Variants in TBC1D1 observed in about 807,000 individuals in gnomAD.
The protein encoded by TBC1D1 is TBC1 domain family member 1, also known as TBC1 (tre-2/USP6, BUB2, cdc16) domain family, member 1.
In TBC1D1, 89 loss-of-function variants were observed where a neutral mutation model predicts 125.6. The observed-to-expected ratio is 0.71, with a 90% CI of 0.60 to 0.85. The LOEUF (loss-of-function observed/expected upper bound fraction) is 0.85, where lower values mean the gene tolerates loss of function less well. Among genes scored for constraint, TBC1D1 ranks in the 40% least tolerant of loss-of-function variants. The pLI is 0.00. For synonymous variants in TBC1D1, 565 were observed against 564.1 expected (o/e 1.00, Z -0.02); for missense variants, 1,377 against 1,469.2 (o/e 0.94, Z 1.03).
intron 2 of TBC1D1, among the ~76,000 whole-genome samples, chr4:37,904,797 AT>A (rs1467388731): frequency 2.0e-5 from 3 of 152,228 alleles, no homozygotes; most frequent in Admixed American, 6.5e-5. Flanking sequence ...TCAATCAGTG[AT>A]TTTGTTGTTG....
intron 13 of TBC1D1, among the ~76,000 whole-genome samples, chr4:38,094,157 C>T (rs966187758): frequency 1.3e-5 from 2 of 151,934 alleles, no homozygotes; most frequent in Non-Finnish European, 2.9e-5. Context: ...ATTAGCTTTC[C>T]ATTCTGAGCT....
chr4:37,945,277 G>A, intron 2 of TBC1D1, among the ~76,000 whole-genome samples: 1 of 151,774 alleles, frequency 6.6e-6, no homozygotes, highest in Middle Eastern at 3.2e-3. Flanking sequence ...ACTTCGGGAG[G>A]CTGAGGCGGG....
At chr4:38,124,312 T>C (rs1286248628) in intron 17 of TBC1D1, among the ~76,000 whole-genome samples, 2 of 152,198 alleles carry the variant, frequency 1.3e-5, no homozygotes, top group African/African-American at 4.8e-5. Flanking sequence ...CCCTCCCTCT[T>C]ATTCTGCAGT....
intron 2 of TBC1D1, among the ~76,000 whole-genome samples, chr4:37,911,443 G>T (rs1718615408): frequency 6.6e-6 from 1 of 152,128 alleles, no homozygotes; most frequent in South Asian, 2.1e-4. Context: ...AGAAGACACT[G>T]GATTGGGGTT....
chr4:38,013,026 C>T (rs928113715), intron 2 of TBC1D1, among the ~76,000 whole-genome samples: 7 of 152,174 alleles, frequency 4.6e-5, no homozygotes, highest in African/African-American at 1.4e-4. Flanking sequence ...ACCTCCTGAC[C>T]TCCTGATCTG....
intron 4 of TBC1D1, among the ~76,000 whole-genome samples, chr4:38,019,672 A>G (rs1227394604): frequency 1.3e-5 from 2 of 152,192 alleles, no homozygotes; most frequent in Non-Finnish European, 2.9e-5. Context: ...ATTAATATTT[A>G]TGGCAGACGT....
At chr4:38,052,018 A>T (rs1353200295) in intron 11 of TBC1D1, 1 of 1,551,006 alleles carries the variant, frequency 6.4e-7, no homozygotes, top group Admixed American at 2.0e-5. Context: ...TACCTAAAAC[A>T]TAATTCCAGT....
chr4:37,932,444 G>T (rs1176703619), intron 2 of TBC1D1, among the ~76,000 whole-genome samples: 1 of 152,130 alleles, frequency 6.6e-6, no homozygotes, highest in Non-Finnish European at 1.5e-5. Context: ...AAGGCTTTCA[G>T]GATGGAAAAA....
chr4:37,987,134 ATT>A (rs1444828907), intron 2 of TBC1D1, among the ~76,000 whole-genome samples: 1 of 152,230 alleles, frequency 6.6e-6, no homozygotes, highest in Admixed American at 6.5e-5. Context: ...TGCAAATGGC[ATT>A]TAATAGAAGG....
At chr4:38,028,341 T>C (rs1395239635) in intron 7 of TBC1D1, among the ~76,000 whole-genome samples, 2 of 152,282 alleles carry the variant, frequency 1.3e-5, no homozygotes, top group East Asian at 3.9e-4. Context: ...AATTTTTGTA[T>C]TTTTAGTAGA....
intron 12 of TBC1D1, among the ~76,000 whole-genome samples, chr4:38,081,552 T>C (rs1756558942): frequency 6.6e-6 from 1 of 152,146 alleles, no homozygotes; most frequent in Admixed American, 6.5e-5. Context: ...TTCTTTTTTA[T>C]CCCCAACCCC....
At chr4:38,098,034 G>A (rs923662580) in intron 14 of TBC1D1, among the ~76,000 whole-genome samples, 2 of 152,206 alleles carry the variant, frequency 1.3e-5, no homozygotes, top group African/African-American at 4.8e-5. Flanking sequence ...GGATCTCCAG[G>A]TGCTTATCTC....
Position 37,995,882 on chromosome 4 carries a change from T to C in TBC1D1, c.418-18627T>C, listed in dbSNP as rs374240417. 3.4e-5 allele frequency: 20 copies of C among 580,828 alleles called. No individual in the cohort carries two copies. Among genetic ancestry groups the C allele is most frequent in the African/African-American group, 3.2e-4 (17 of 53,666 alleles). The allele number at this position is 580,828 out of a possible 1,614,324, so 36.0% of individuals were successfully genotyped here. Reference sequence around the variant, plus strand: ...TGCATTTCTCTTTGAGAATCCAGACTTCTGGCTTAACCATGGCAAGCAGCG... The same window carrying C: ...TGCATTTCTCTTTGAGAATCCAGACCTCTGGCTTAACCATGGCAAGCAGCG... On this transcript the variant is annotated intron_variant, in intron 2 of 19. Coordinates refer to ENST00000261439, the MANE Select transcript of TBC1D1 (RefSeq NM_015173.4). The surrounding 1 kb of genome is among the most constrained non-coding windows in gnomAD (Gnocchi z 4.3).
chr4:38,063,924 C>CCGTGAGCCCG (rs1753221101), intron 12 of TBC1D1, among the ~76,000 whole-genome samples: 1 of 152,148 alleles, frequency 6.6e-6, no homozygotes, highest in South Asian at 2.1e-4. Flanking sequence ...CCCGACCCAC[C>CCGTGAGCCCG]GCAGTCTAAT....
chr4:37,949,120 A>T (rs1389958166), intron 2 of TBC1D1, among the ~76,000 whole-genome samples: 1 of 152,224 alleles, frequency 6.6e-6, no homozygotes, highest in Non-Finnish European at 1.5e-5. Flanking sequence ...TCAACTGGTA[A>T]AGAGAGAGGC....
At chr4:37,936,047 C>T (rs186656175) in intron 2 of TBC1D1, among the ~76,000 whole-genome samples, 14 of 152,248 alleles carry the variant, frequency 9.2e-5, no homozygotes, top group African/African-American at 3.4e-4. Flanking sequence ...GTCACATGCT[C>T]CCATGCACAT....
chr4:37,964,572 G>A (rs2152336682), intron 2 of TBC1D1, among the ~76,000 whole-genome samples: 1 of 152,332 alleles, frequency 6.6e-6, no homozygotes, highest in East Asian at 1.9e-4. Context: ...AGATCCGGCA[G>A]CACAGCTCCT....
chr4:38,116,070 C>T, intron 16 of TBC1D1, 116 bp downstream of exon 18: 1 of 1,149,600 alleles, frequency 8.7e-7, no homozygotes, highest in Non-Finnish European at 1.2e-6. Flanking sequence ...ATAGCTGTCA[C>T]TGCTGATAAA....
At chr4:38,057,673 A>T (rs1560708995) in intron 12 of TBC1D1, among the ~76,000 whole-genome samples, 2 of 152,366 alleles carry the variant, frequency 1.3e-5, no homozygotes, top group African/African-American at 4.8e-5. Context: ...TAATAGCCAC[A>T]TATTATGCTC....
Sources: allele counts gnomAD v4.1 joint callset (sites outside exome capture counted in the v4.1 genomes callset), GRCh38; gene constraint gnomAD v4.1.1; non-coding constraint Gnocchi (gnomAD v3.1); transcripts MANE v1.5; gene names NCBI Gene and HGNC (gene_info 2026-07-23, HGNC 2026-07-21).